The following MSN variants were observed in gnomAD, a reference collection of about 807,000 sequenced individuals.
MSN encodes epididymis luminal protein 70.
A neutral mutation model predicts 48.0 loss-of-function variants in MSN; 2 were observed. The observed-to-expected ratio is 0.04, with a 90% CI of 0.02 to 0.13. MSN has a LOEUF of 0.13. Among genes scored for constraint, MSN ranks in the 10% least tolerant of loss-of-function variants. MSN has a pLI of 1.00. For missense variants in MSN, 267 were observed against 470.1 expected, an observed-to-expected ratio of 0.57 and a Z score of 3.99; for synonymous variants, 146 against 166.9, an observed-to-expected ratio of 0.87 and a Z score of 0.97.
chrX:65,690,360 G>T (rs186719915), intron 1 of MSN, among the ~76,000 whole-genome samples: 166 of 111,530 alleles, frequency 1.5e-3, no homozygotes, highest in African/African-American at 5.2e-3. Flanking sequence ...AGTTCAATTG[G>T]ACATCCTCTA....
At chrX:65,728,630 GA>G (rs373576294) in intron 3 of MSN, among the ~76,000 whole-genome samples, 1,158 of 105,837 alleles carry the variant, frequency 0.011, 14 homozygotes, top group African/African-American at 0.035. Flanking sequence ...TCTTGAACTA[GA>G]AAAAAAAAAA....
At position 65,738,765 on chromosome X, in the gene MSN, C is replaced by T. The variant is rs2071706562; in HGVS notation, c.1344+148C>T. On this transcript the variant is annotated intron_variant, in intron 11 of 12. Transcript: ENST00000360270. ...TGGGAGAAGGCACTCATGGTTTCGTCAAATACTTACTGGAGTTCTCTAATA... is the reference window on the plus strand; with the variant it reads ...TGGGAGAAGGCACTCATGGTTTCGTTAAATACTTACTGGAGTTCTCTAATA... 6 of 624,648 alleles carry T rather than the reference C, an allele frequency of 9.6e-6. No homozygotes were observed. The South Asian group carries it at 1.2e-4, about 12-fold the overall frequency. 51.5% of individuals were successfully genotyped at this position (624,648 alleles called of 1,213,427 possible).
chrX:65,660,313 A>G (rs1454945870), intron 1 of MSN, among the ~76,000 whole-genome samples: 1 of 111,929 alleles, frequency 8.9e-6, no homozygotes, highest in Non-Finnish European at 1.9e-5. Flanking sequence ...TAGAAATGCT[A>G]CTGATTTTTG....
chrX:65,680,726 C>CT (rs1218600779), intron 1 of MSN, among the ~76,000 whole-genome samples: 1 of 110,851 alleles, frequency 9.0e-6, no homozygotes, highest in African/African-American at 3.3e-5. Context: ...TTTCATCCAG[C>CT]TTTTTCAGGT....
chrX:65,665,283 C>T (rs1410313385), upstream of MSN, among the ~76,000 whole-genome samples: 1 of 111,581 alleles, frequency 9.0e-6, no homozygotes, highest in Admixed American at 9.6e-5. Context: ...AGTTGAGTTC[C>T]TTGAACATCT....
chrX:65,608,805 C>A (rs1372235464), intron 1 of MSN, among the ~76,000 whole-genome samples: 1 of 110,897 alleles, frequency 9.0e-6, no homozygotes, highest in African/African-American at 3.3e-5. Context: ...AAAGGATAAG[C>A]CCCACCCACA....
intron 2 of MSN, among the ~76,000 whole-genome samples, chrX:65,726,180 G>A (rs1428591489): frequency 9.0e-6 from 1 of 111,466 alleles, no homozygotes; most frequent in Non-Finnish European, 1.9e-5. Context: ...ATGCAGAAGT[G>A]ATCAAAGTTT....
At chrX:65,715,158 T>C (rs1368070589) in intron 1 of MSN, among the ~76,000 whole-genome samples, 2 of 111,336 alleles carry the variant, frequency 1.8e-5, no homozygotes, top group Non-Finnish European at 3.8e-5. Flanking sequence ...CTGGGCTCTC[T>C]ATTCTGCTCC....
At chrX:65,621,024 C>T (rs771184602) in intron 1 of MSN, among the ~76,000 whole-genome samples, 2 of 109,603 alleles carry the variant, frequency 1.8e-5, no homozygotes, top group South Asian at 7.9e-4. Flanking sequence ...CTCCCAGGTT[C>T]AAGCCATTAT....
chrX:65,636,205 T>C (rs2070598136), intron 1 of MSN, among the ~76,000 whole-genome samples: 1 of 111,597 alleles, frequency 9.0e-6, no homozygotes, highest in Non-Finnish European at 1.9e-5. Flanking sequence ...GTGTCACTTC[T>C]ACTTCAAGTT....
intron 1 of MSN, among the ~76,000 whole-genome samples, chrX:65,634,505 C>T (rs1436752433): frequency 9.1e-6 from 1 of 110,380 alleles, no homozygotes. Flanking sequence ...CCCAGCCACT[C>T]GGGAGGCTGA....
intron 1 of MSN, among the ~76,000 whole-genome samples, chrX:65,595,901 C>T (rs887977326): frequency 8.9e-6 from 1 of 111,749 alleles, no homozygotes; most frequent in Non-Finnish European, 1.9e-5. Flanking sequence ...TTTTGAAACA[C>T]ACGGCCAAGC....
At chrX:65,696,196 C>G (rs748057830) in intron 1 of MSN, among the ~76,000 whole-genome samples, 2 of 108,367 alleles carry the variant, frequency 1.8e-5, no homozygotes, top group African/African-American at 7.0e-5. Flanking sequence ...CTCCATCTGA[C>G]AAAAAAATGC....
chrX:65,593,931 G>T (rs1188284248), intron 1 of MSN, among the ~76,000 whole-genome samples: 1 of 112,354 alleles, frequency 8.9e-6, no homozygotes, highest in African/African-American at 3.2e-5. Flanking sequence ...CAGACACCTT[G>T]ATTGGGAGAG....
intron 1 of MSN, among the ~76,000 whole-genome samples, chrX:65,640,048 G>A (rs2070637062): frequency 9.0e-6 from 1 of 111,199 alleles, no homozygotes; most frequent in Admixed American, 9.5e-5. Context: ...AAGAACACAT[G>A]GTAGTCTTCT....
chrX:65,697,177 G>C (rs937969903), intron 1 of MSN, among the ~76,000 whole-genome samples: 1 of 108,187 alleles, frequency 9.2e-6, no homozygotes, highest in African/African-American at 3.4e-5. Context: ...TAGGCTGTAA[G>C]ATTAGCCTAG....
intron 1 of MSN, among the ~76,000 whole-genome samples, chrX:65,620,308 TC>T (rs2070425848): frequency 8.9e-6 from 1 of 112,539 alleles, no homozygotes; most frequent in African/African-American, 3.2e-5. Context: ...TCCCCCAGCC[TC>T]GCTGCCGCCC....
chrX:65,665,212 T>C (rs2070857967), upstream of MSN, among the ~76,000 whole-genome samples: 1 of 111,876 alleles, frequency 8.9e-6, no homozygotes, highest in African/African-American at 3.3e-5. Flanking sequence ...TTCTTTGTCT[T>C]TAGGCATTTA....
chrX:65,635,678 A>G (rs1355230803), intron 1 of MSN, among the ~76,000 whole-genome samples: 1 of 112,207 alleles, frequency 8.9e-6, no homozygotes, highest in African/African-American at 3.2e-5. Flanking sequence ...TGAAGATAGC[A>G]TAACTGAAGC....
Sources: allele counts gnomAD v4.1 joint callset (sites outside exome capture counted in the v4.1 genomes callset), GRCh38; gene constraint gnomAD v4.1.1; transcripts MANE v1.5; gene names NCBI Gene and HGNC (gene_info 2026-07-23, HGNC 2026-07-21).